The following THEMIS variants were observed in gnomAD, a reference collection of about 807,000 sequenced individuals.
THEMIS encodes the protein protein THEMIS.
A neutral mutation model predicts 52.6 loss-of-function variants in THEMIS; 37 were observed. That is an observed-to-expected ratio of 0.70 (90% CI 0.54 to 0.93). THEMIS has a LOEUF of 0.93. THEMIS is among the 40% of genes least tolerant of loss of function. THEMIS has a pLI of 0.00. For synonymous variants in THEMIS, 292 were observed against 272.7 expected (o/e 1.07, Z -0.70); for missense variants, 808 against 763.1 (o/e 1.06, Z -0.69).
At chr6:127,713,562 T>C (rs1250089538) in intron 5 of THEMIS, among the ~76,000 whole-genome samples, 9 of 151,842 alleles carry the variant, frequency 5.9e-5, no homozygotes, top group Admixed American at 5.9e-4. Flanking sequence ...CTGCAAAATA[T>C]GTTAGAGAGC....
intron 4 of THEMIS, among the ~76,000 whole-genome samples, chr6:127,776,092 A>G (rs1776557130): frequency 6.6e-6 from 1 of 152,214 alleles, no homozygotes; most frequent in African/African-American, 2.4e-5. Context: ...CTTTTTCTGT[A>G]TAACTTTTTG....
chr6:127,844,466 C>A (rs1361387616), intron 2 of THEMIS, among the ~76,000 whole-genome samples: 1 of 151,748 alleles, frequency 6.6e-6, no homozygotes, highest in African/African-American at 2.4e-5. Context: ...AGAGTATAGT[C>A]TAAATATTAA....
chr6:127,840,326 C>T (rs1418866252), intron 2 of THEMIS, among the ~76,000 whole-genome samples: 1 of 151,952 alleles, frequency 6.6e-6, no homozygotes, highest in Non-Finnish European at 1.5e-5. Flanking sequence ...GGACTATTAC[C>T]TAGAAAATAA....
chr6:127,765,388 G>A (rs1443232621), intron 4 of THEMIS, among the ~76,000 whole-genome samples: 1 of 152,096 alleles, frequency 6.6e-6, no homozygotes, highest in African/African-American at 2.4e-5. Flanking sequence ...AGGAAAAATG[G>A]ATGAGGAAGC....
intron 2 of THEMIS, among the ~76,000 whole-genome samples, chr6:127,852,200 C>G (rs1015732450): frequency 6.6e-6 from 1 of 151,390 alleles, no homozygotes; most frequent in African/African-American, 2.4e-5. Context: ...ATAACAATTA[C>G]AAATACATAT....
At chr6:127,697,275 C>T in the THEMIS span, among the ~76,000 whole-genome samples, 2 of 152,138 alleles carry the variant, frequency 1.3e-5, no homozygotes, top group Non-Finnish European at 2.9e-5. Context: ...TATATCCATG[C>T]CTTCCACAAA....
intron 1 of THEMIS, among the ~76,000 whole-genome samples, chr6:127,906,071 C>A (rs1176490789): frequency 2.7e-5 from 4 of 150,244 alleles, no homozygotes; most frequent in Non-Finnish European, 5.9e-5. Context: ...TTTAATAGTT[C>A]AAGTAATAAA....
At chr6:127,762,425 CA>C (rs1776052083) in intron 4 of THEMIS, among the ~76,000 whole-genome samples, 1 of 151,946 alleles carries the variant, frequency 6.6e-6, no homozygotes, top group Non-Finnish European at 1.5e-5. Flanking sequence ...ATAACAAATA[CA>C]AAAATGAATC....
rs193129758 is a variant in THEMIS at position 127,888,698 on chromosome 6, T to C, written c.91+12144A>G. Among the ~76,000 whole-genome samples the C allele has an allele frequency of 7.6e-4, 115 of 152,228 alleles. 1 individual carries two copies. The highest frequency in any genetic ancestry group is 2.7e-3 in the African/African-American group (111 of 41,566). On this transcript the variant is annotated intron_variant, in intron 1 of 5. Coordinates refer to ENST00000368248, the MANE Select transcript of THEMIS (RefSeq NM_001010923.3). ...AAGAGATCATAATGCAAACCAATTTTGTTTTTTGCCAAATTTTTAAATCAA... is the reference window on the plus strand; with the variant it reads ...AAGAGATCATAATGCAAACCAATTTCGTTTTTTGCCAAATTTTTAAATCAA...
rs371841331 is a variant in THEMIS, at chr6:127,885,963, T to C, written c.91+14879A>G. Among the ~76,000 whole-genome samples, 53 of 152,136 alleles carry C rather than the reference T, an allele frequency of 3.5e-4. No individual in the cohort carries two copies. The South Asian group carries it at 0.011, about 32-fold the overall frequency. On this transcript the variant is annotated intron_variant, in intron 1 of 5. Transcript: ENST00000368248. ...GGCTGATTTACTTTGGTATCTACAG[T>C]TTCCCCATTGGACATTGCAATGTCC...
intron 4 of THEMIS, among the ~76,000 whole-genome samples, chr6:127,794,804 A>AT (rs1336365638): frequency 1.3e-5 from 2 of 152,092 alleles, no homozygotes; most frequent in Non-Finnish European, 2.9e-5. Flanking sequence ...CTCTTGCTCT[A>AT]TTTTTATAGC....
intron 2 of THEMIS, among the ~76,000 whole-genome samples, chr6:127,850,965 G>A (rs1437409210): frequency 6.6e-6 from 1 of 151,518 alleles, no homozygotes; most frequent in African/African-American, 2.4e-5. Flanking sequence ...ACTTAAATTA[G>A]CTATTTAAAA....
chr6:127,806,855 C>T (rs900695830), intron 4 of THEMIS, among the ~76,000 whole-genome samples: 1 of 152,164 alleles, frequency 6.6e-6, no homozygotes, highest in Non-Finnish European at 1.5e-5. Context: ...TTTGTACCTT[C>T]GAGGTTTCAG....
At chr6:127,814,094 G>C (rs1168353093) in intron 3 of THEMIS, among the ~76,000 whole-genome samples, 163 bp from the exon 4 acceptor site, 3 of 152,002 alleles carry the variant, frequency 2.0e-5, no homozygotes, top group Admixed American at 2.0e-4. Flanking sequence ...CAAATTTTAA[G>C]ATGAAAGAGA....
chr6:127,783,877 C>G (rs1187506884), intron 4 of THEMIS, among the ~76,000 whole-genome samples: 1 of 152,166 alleles, frequency 6.6e-6, no homozygotes, highest in East Asian at 1.9e-4. Context: ...CCAGCAATCC[C>G]ATTACTGGGT....
At chr6:127,710,072 G>T in intron 5 of THEMIS, 56 bp from the exon 6 acceptor site, 1 of 1,260,786 alleles carries the variant, frequency 7.9e-7, no homozygotes. Flanking sequence ...TAACCAGAAA[G>T]GAAACTGCCT....
intron 1 of THEMIS, among the ~76,000 whole-genome samples, chr6:127,872,566 G>GA (rs1027306263): frequency 1.3e-5 from 2 of 151,368 alleles, no homozygotes; most frequent in African/African-American, 4.8e-5. Context: ...TGTCTCAAAA[G>GA]AAAAAAACAA....
At chr6:127,781,733 C>T (rs909446615) in intron 4 of THEMIS, among the ~76,000 whole-genome samples, 5 of 152,276 alleles carry the variant, frequency 3.3e-5, no homozygotes, top group Admixed American at 1.3e-4. Flanking sequence ...GGCTGCAGAA[C>T]AGGAAAGATT....
At chr6:127,871,284 C>T (rs1019732632) in intron 1 of THEMIS, among the ~76,000 whole-genome samples, 1 of 151,732 alleles carries the variant, frequency 6.6e-6, no homozygotes, top group Non-Finnish European at 1.5e-5. Context: ...CATATTTATA[C>T]CTATATACAT....
Sources: allele counts gnomAD v4.1 joint callset (sites outside exome capture counted in the v4.1 genomes callset), GRCh38; gene constraint gnomAD v4.1.1; transcripts MANE v1.5; gene names NCBI Gene and HGNC (gene_info 2026-07-23, HGNC 2026-07-21).